ZMAT4: variants seen among roughly 807,000 people sequenced by gnomAD.
ZMAT4 encodes zinc finger matrin-type 4, also known as zinc finger matrin-type protein 4.
A neutral mutation model predicts 28.7 loss-of-function variants in ZMAT4; 17 were observed. The ratio of observed to expected loss-of-function variants is 0.59; its 90% confidence interval spans 0.41 to 0.89. ZMAT4 has a LOEUF of 0.89. Among genes scored for constraint, ZMAT4 ranks in the 40% least tolerant of loss-of-function variants. The pLI is 0.00. For missense variants in ZMAT4, 240 were observed against 283.8 expected, an observed-to-expected ratio of 0.85 and a Z score of 1.11; for synonymous variants, 117 against 109.2, an observed-to-expected ratio of 1.07 and a Z score of -0.44.
intron 2 of ZMAT4, among the ~76,000 whole-genome samples, chr8:40,777,183 AC>A (rs1813634110): frequency 6.6e-6 from 1 of 152,224 alleles, no homozygotes; most frequent in African/African-American, 2.4e-5. Flanking sequence ...ATACTTAAAA[AC>A]AAGATATTAC....
Position 40,531,029 on chromosome 8 carries a change from A to G in ZMAT4, c.*1194T>C, listed in dbSNP as rs1406636130. ...TGGATTGCCTATGGTCGTTAGGGAC[A>G]CAGGGCAGCCCCAGCCAGATCCCAG... On this transcript the variant is annotated 3_prime_UTR_variant, in exon 7 of 7. Transcript: ENST00000297737. 2.0e-5 allele frequency: 3 copies of G among 152,710 alleles called. No homozygotes were observed. The highest frequency in any genetic ancestry group is 4.4e-5 in the Non-Finnish European group (3 of 68,112). 9.5% of individuals were successfully genotyped at this position (152,710 alleles called of 1,614,324 possible). A position where few individuals can be genotyped will look rare whatever the true frequency, so the allele number is the denominator to read the frequency against.
intron 2 of ZMAT4, among the ~76,000 whole-genome samples, chr8:40,823,225 G>A (rs904098876): frequency 2.6e-5 from 4 of 151,830 alleles, no homozygotes; most frequent in African/African-American, 7.3e-5. Flanking sequence ...CTCTGTTTCT[G>A]TCCTCATGAA....
At chr8:40,651,320 A>T (rs188915259) in intron 5 of ZMAT4, among the ~76,000 whole-genome samples, 3 of 152,244 alleles carry the variant, frequency 2.0e-5, no homozygotes, top group Non-Finnish European at 4.4e-5. Context: ...GTGAACTCTC[A>T]TTCACAATTG....
intron 1 of ZMAT4, among the ~76,000 whole-genome samples, chr8:40,869,754 G>A (rs1013745538): frequency 8.5e-5 from 13 of 152,102 alleles, no homozygotes; most frequent in East Asian, 1.9e-4. Flanking sequence ...TATTCCTGAC[G>A]TCTTATTCTT....
intron 5 of ZMAT4, among the ~76,000 whole-genome samples, chr8:40,671,645 A>C (rs1294638084): frequency 6.6e-6 from 1 of 152,102 alleles, no homozygotes; most frequent in African/African-American, 2.4e-5. Context: ...AAATGAGAAA[A>C]GTGGTTCTCT....
At chr8:40,671,477 C>T (rs905488278) in intron 5 of ZMAT4, among the ~76,000 whole-genome samples, 2 of 152,060 alleles carry the variant, frequency 1.3e-5, no homozygotes, top group African/African-American at 4.8e-5. Flanking sequence ...GAATACTACT[C>T]AGTAATAAAA....
rs934068354 is a variant in ZMAT4 at position 40,643,738 on chromosome 8, G to T, written c.577+30966C>A. 6.7e-5 allele frequency among the ~76,000 whole-genome samples: 10 copies of T among 149,556 alleles called. No homozygotes were observed. The South Asian group carries it at 1.5e-3, about 22-fold the overall frequency. On this transcript the variant is annotated intron_variant, in intron 5 of 6. Coordinates refer to ENST00000297737, the MANE Select transcript of ZMAT4 (RefSeq NM_024645.3). ...CCATTTAAGCAAAAAGTTGAAAATT[G>T]AGTAGAAATCTACAAAGTGAAGAGT...
chr8:40,690,085 C>T (rs35238167), intron 4 of ZMAT4, among the ~76,000 whole-genome samples: 51,421 of 152,004 alleles, frequency 0.34, 10,693 homozygotes, highest in Middle Eastern at 0.58. Flanking sequence ...ATCATTGCCC[C>T]AAGCTTGCTA....
In ZMAT4 at chr8:40,872,756, C is replaced by T. The variant is rs372902737; in HGVS notation, c.-5+24927G>A. ...AAAAAGACAACACTGGATTTGAACT[C>T]GGGGGGATGGTTGATGCCAATTGGG... On this transcript the variant is annotated intron_variant, in intron 1 of 6. Transcript: ENST00000297737. Among the ~76,000 whole-genome samples the T allele has an allele frequency of 8.3e-4, 126 of 151,668 alleles. 5 individuals are homozygous for T. In the South Asian group the frequency reaches 0.016, roughly 19 times the overall value.
intron 3 of ZMAT4, among the ~76,000 whole-genome samples, chr8:40,765,954 C>T (rs368544335): frequency 1.3e-5 from 2 of 152,180 alleles, no homozygotes; most frequent in African/African-American, 4.8e-5. Context: ...ATGGGAAGCA[C>T]GATTCCAGTA....
intron 6 of ZMAT4, among the ~76,000 whole-genome samples, chr8:40,545,837 T>C (rs1803185114): frequency 6.7e-6 from 1 of 149,890 alleles, no homozygotes; most frequent in Non-Finnish European, 1.5e-5. Context: ...ATTGAGACAG[T>C]CAATAAAAAG....
intron 5 of ZMAT4, among the ~76,000 whole-genome samples, chr8:40,661,512 T>C (rs2118856077): frequency 6.6e-6 from 1 of 152,360 alleles, no homozygotes; most frequent in African/African-American, 2.4e-5. Context: ...CAGTTCACAA[T>C]CACTTAGAGA....
At chr8:40,841,232 C>A (rs1816691674) in intron 1 of ZMAT4, among the ~76,000 whole-genome samples, 1 of 152,190 alleles carries the variant, frequency 6.6e-6, no homozygotes, top group African/African-American at 2.4e-5. Context: ...GTTGCACTCT[C>A]CCCAGGACCT....
At chr8:40,566,289 G>A (rs1803921431) in intron 6 of ZMAT4, among the ~76,000 whole-genome samples, 1 of 152,042 alleles carries the variant, frequency 6.6e-6, no homozygotes, top group Non-Finnish European at 1.5e-5. Context: ...TTTTATACTG[G>A]GTTTCTTTAG....
intron 1 of ZMAT4, among the ~76,000 whole-genome samples, chr8:40,869,691 A>G (rs1187176895): frequency 3.3e-5 from 5 of 152,354 alleles, no homozygotes; most frequent in Non-Finnish European, 5.9e-5. Flanking sequence ...TGAGTGAATC[A>G]TGTGCATACA....
intron 5 of ZMAT4, among the ~76,000 whole-genome samples, chr8:40,617,697 C>T (rs1337514923): frequency 6.6e-6 from 1 of 152,146 alleles, no homozygotes; most frequent in Admixed American, 6.5e-5. Flanking sequence ...GAAATGCAGG[C>T]TGCTTAAAAG....
intron 5 of ZMAT4, among the ~76,000 whole-genome samples, chr8:40,631,047 A>G (rs1230357294): frequency 1.3e-5 from 2 of 152,058 alleles, no homozygotes; most frequent in Non-Finnish European, 2.9e-5. Flanking sequence ...TTTCATTCAG[A>G]CTAGCCACAT....
intron 3 of ZMAT4, among the ~76,000 whole-genome samples, chr8:40,704,704 C>T (rs1453670587): frequency 3.9e-5 from 6 of 152,186 alleles, no homozygotes; most frequent in South Asian, 2.1e-4. Context: ...AATAGTTGAA[C>T]GACTTGACAT....
chr8:40,810,748 G>A (rs1227617778), intron 2 of ZMAT4, among the ~76,000 whole-genome samples: 1 of 152,136 alleles, frequency 6.6e-6, no homozygotes. Flanking sequence ...AGGGCACCAT[G>A]AGCAGATATA....
Sources: allele counts gnomAD v4.1 joint callset (sites outside exome capture counted in the v4.1 genomes callset), GRCh38; gene constraint gnomAD v4.1.1; transcripts MANE v1.5; gene names NCBI Gene and HGNC (gene_info 2026-07-23, HGNC 2026-07-21).